The following MACF1 variants were observed in gnomAD, a reference collection of about 807,000 sequenced individuals.
The protein encoded by MACF1 is microtubule actin crosslinking factor 1.
In MACF1, 193 loss-of-function variants were observed where a neutral mutation model predicts 854.8. That is an observed-to-expected ratio of 0.23 (90% CI 0.20 to 0.25). MACF1 has a LOEUF of 0.25. Ranked by LOEUF, MACF1 falls within the 10% of genes least tolerant of loss-of-function variation. MACF1 has a pLI of 1.00. For missense variants in MACF1, 7,722 were observed against 8,929.1 expected, an observed-to-expected ratio of 0.86 and a Z score of 5.45; for synonymous variants, 3,185 against 3,226.7, an observed-to-expected ratio of 0.99 and a Z score of 0.44.
rs375250102 is a variant in MACF1, at chr1:39,422,732, C to G, written c.15981C>G (p.Val5327=). The G allele has an allele frequency of 6.2e-7, 1 of 1,613,776 alleles. No individual in the cohort carries two copies. Among genetic ancestry groups the G allele is most frequent in the Non-Finnish European group, 8.5e-7 (1 of 1,179,710 alleles). The part of the protein sequence containing the change: ...NARWNTLNKK[V]AQRIAQLQEA... ...GAACCTACATGTTCATGATACAGGT[C>G]GCACAAAGAATTGCACAGCTACAGG... Residue 5327 remains valine (V), a splice_region_variant and synonymous_variant, in exon 60 of 101, where the codon GTC becomes GTG. Coordinates refer to ENST00000564288, the MANE Select transcript of MACF1 (RefSeq NM_001394062.1).
rs377022334 is a variant in MACF1, at chr1:39,485,662, C to T, written c.22536C>T (p.Ser7512=). The part of the protein sequence containing the change: ...FDLLETQSAC[S]DTSESSAAGG... Reference sequence around the variant, plus strand: ...TCTTAGAGACGCAGTCTGCTTGTTCCGACACTTCAGAAAGCAGCGCTGCAG... The same window carrying T: ...TCTTAGAGACGCAGTCTGCTTGTTCTGACACTTCAGAAAGCAGCGCTGCAG... Residue 7512 remains serine (S), a synonymous_variant, in exon 101 of 101, where the codon TCC becomes TCT. Coordinates refer to ENST00000564288, the MANE Select transcript of MACF1 (RefSeq NM_001394062.1). 16 of 1,613,958 alleles carry T rather than the reference C, an allele frequency of 9.9e-6. No homozygotes were observed. Among genetic ancestry groups the T allele is most frequent in the Admixed American group, 1.7e-5 (1 of 59,992 alleles).
At chr1:39,147,314 TTTCCTTCC>T (rs963917928) in intron 2 of MACF1, among the ~76,000 whole-genome samples, 1 of 151,024 alleles carries the variant, frequency 6.6e-6, no homozygotes, top group Non-Finnish European at 1.5e-5. Context: ...CTTCCTCTTT[TTTCCTTCC>T]TTCCTTCCTT....
intron 95 of MACF1, among the ~76,000 whole-genome samples, chr1:39,466,063 T>C (rs995181131): frequency 6.6e-6 from 1 of 152,240 alleles, no homozygotes; most frequent in Non-Finnish European, 1.5e-5. Context: ...TGACTTCTAA[T>C]GTTGAGAACG....
chr1:39,350,051 G>T lies in MACF1; in HGVS notation c.10965+424G>T, dbSNP rs183929942. Among the ~76,000 whole-genome samples, 28 of 152,192 alleles carry T rather than the reference G, an allele frequency of 1.8e-4. No individual in the cohort carries two copies. The South Asian group carries it at 1.9e-3, about 10-fold the overall frequency. On this transcript the variant is annotated intron_variant, in intron 42 of 100. Coordinates refer to ENST00000564288, the MANE Select transcript of MACF1 (RefSeq NM_001394062.1). ...TAGCAGGGCATACAGAAATTATACA[G>T]GTTATTATAAAAATGAACATAAAAT...
At chr1:39,322,028 G>T (rs1018538308) in intron 31 of MACF1, among the ~76,000 whole-genome samples, 1 of 152,204 alleles carries the variant, frequency 6.6e-6, no homozygotes, top group Non-Finnish European at 1.5e-5. Flanking sequence ...AGCAGAACTT[G>T]CAGGGTTGCA....
chr1:39,151,239 G>A (rs952260967), intron 2 of MACF1, among the ~76,000 whole-genome samples: 1 of 152,104 alleles, frequency 6.6e-6, no homozygotes, highest in Non-Finnish European at 1.5e-5. Context: ...ATAAAACAGC[G>A]ATCAAATGCT....
chr1:39,348,808 T>G (rs1647114484), intron 41 of MACF1, among the ~76,000 whole-genome samples: 1 of 152,284 alleles, frequency 6.6e-6, no homozygotes, highest in Admixed American at 6.5e-5. Context: ...CAGAAACATA[T>G]TCCCTCTCTC....
At chr1:39,102,438 G>T (rs901625723) in intron 2 of MACF1, among the ~76,000 whole-genome samples, 1 of 145,180 alleles carries the variant, frequency 6.9e-6, no homozygotes, top group South Asian at 2.2e-4. Context: ...TGGAGGCGGG[G>T]GGGGGGTCAA....
At chr1:39,216,702 T>C (rs936363010) in intron 1 of MACF1, among the ~76,000 whole-genome samples, 2 of 151,830 alleles carry the variant, frequency 1.3e-5, no homozygotes, top group African/African-American at 4.8e-5. Flanking sequence ...CTTTCCTGTA[T>C]CATTGAGATT....
intron 96 of MACF1, 104 bp from the exon 97 acceptor site, chr1:39,469,443 G>A: frequency 2.5e-6 from 2 of 794,284 alleles, no homozygotes; most frequent in Non-Finnish European, 4.4e-6. Flanking sequence ...CTGCATGTGG[G>A]TGCACAGGAG....
chr1:39,163,840 T>C (rs911009202), intron 2 of MACF1, among the ~76,000 whole-genome samples: 1 of 152,200 alleles, frequency 6.6e-6, no homozygotes, highest in Non-Finnish European at 1.5e-5. Context: ...AAAAGACTTT[T>C]TTGACTTTTT....
At chr1:39,254,493 AGT>A in intron 5 of MACF1, 118 bp downstream of exon 5, 2 of 850,610 alleles carry the variant, frequency 2.4e-6, no homozygotes, top group Non-Finnish European at 3.9e-6. Flanking sequence ...TGATTGACCC[AGT>A]TCTGAGTCTT....
At chr1:39,463,835 A>G (rs1433976732) in intron 94 of MACF1, 149 bp downstream of exon 94, 7 of 626,652 alleles carry the variant, frequency 1.1e-5, no homozygotes, top group Non-Finnish European at 2.0e-5. Context: ...GCCAAGTGTC[A>G]GGTACCCTGT....
chr1:39,188,162 GCACAGTGGCT>G (rs1362621315), intron 2 of MACF1, among the ~76,000 whole-genome samples: 1 of 152,022 alleles, frequency 6.6e-6, no homozygotes. Context: ...CCCTGGCCAG[GCACAGTGGCT>G]CACACCTATA....
chr1:39,171,559 A>T (rs1247664777), intron 2 of MACF1, among the ~76,000 whole-genome samples: 3 of 152,158 alleles, frequency 2.0e-5, no homozygotes, highest in Non-Finnish European at 4.4e-5. Context: ...TTCACTTAGC[A>T]TATGCACATA....
intron 2 of MACF1, among the ~76,000 whole-genome samples, chr1:39,170,852 G>A (rs931535760): frequency 1.3e-5 from 2 of 152,176 alleles, no homozygotes; most frequent in Non-Finnish European, 2.9e-5. Flanking sequence ...AGGGCTCCAG[G>A]CTTTGTTGAA....
chr1:39,261,333 G>A (rs891506388), intron 6 of MACF1, among the ~76,000 whole-genome samples: 2 of 151,978 alleles, frequency 1.3e-5, no homozygotes, highest in African/African-American at 4.8e-5. Context: ...CTTTACTGAG[G>A]TGTAATTTAC....
rs1300666354 is a variant in MACF1, at chr1:39,105,937, A to G, written c.220+21499A>G. ...GGGCAGTCGGCGCGCTCAGAGCGCC[A>G]GTTACATGATTTGCCCTATTATCCG... On this transcript the variant is annotated intron_variant, in intron 2 of 93. Coordinates refer to the MACF1 transcript ENST00000361689. This position sits in a 1 kb window ranked among gnomAD's most constrained non-coding sequence, Gnocchi z 5.9. 2.0e-5 allele frequency among the ~76,000 whole-genome samples: 3 copies of G among 152,172 alleles called. No individual in the cohort carries two copies. The highest frequency in any genetic ancestry group is 4.4e-5 in the Non-Finnish European group (3 of 68,028).
intron 49 of MACF1, among the ~76,000 whole-genome samples, chr1:39,365,205 A>G (rs1648589626): frequency 6.6e-6 from 1 of 151,988 alleles, no homozygotes; most frequent in South Asian, 2.1e-4. Flanking sequence ...CCTCCCAAGT[A>G]GCTGGGACTA....
Sources: gnomAD v4.1 joint callset for allele counts (sites outside exome capture counted in the v4.1 genomes callset) on GRCh38, gnomAD v4.1.1 for gene constraint, Gnocchi (gnomAD v3.1) non-coding constraint, MANE v1.5 for transcripts, NCBI Gene and HGNC (gene_info 2026-07-23, HGNC 2026-07-21) for gene names.